Variants in ZNF385B observed in about 807,000 individuals in gnomAD.
ZNF385B encodes zinc finger protein 385B, also known as zinc finger protein 533.
ZNF385B carries 23 observed loss-of-function variants against 39.2 expected under a neutral mutation model. The ratio of observed to expected loss-of-function variants is 0.59; its 90% CI spans 0.42 to 0.83. The LOEUF is 0.83. ZNF385B is among the 40% of genes least tolerant of loss of function. ZNF385B has a pLI of 0.00. For missense variants in ZNF385B, 552 were observed against 598.9 expected, an observed-to-expected ratio of 0.92 and a Z score of 0.82; for synonymous variants, 205 against 222.6, an observed-to-expected ratio of 0.92 and a Z score of 0.70.
chr2:179,849,443 A>C (rs1211285270), intron 1 of ZNF385B, among the ~76,000 whole-genome samples: 1 of 152,188 alleles, frequency 6.6e-6, no homozygotes, highest in Non-Finnish European at 1.5e-5. Context: ...CTATTTGGGG[A>C]GATGAAGGAG....
intron 1 of ZNF385B, among the ~76,000 whole-genome samples, chr2:179,829,808 C>T (rs75626696): frequency 0.014 from 2,105 of 152,280 alleles, 54 homozygotes; most frequent in African/African-American, 0.047. Context: ...CCACCGCGCC[C>T]GGCCTGGATA....
chr2:179,801,061 C>G (rs1271950832), intron 1 of ZNF385B, among the ~76,000 whole-genome samples: 1 of 151,956 alleles, frequency 6.6e-6, no homozygotes, highest in Non-Finnish European at 1.5e-5. Context: ...ATTTGGTATC[C>G]CTTCCTTTCT....
intron 3 of ZNF385B, among the ~76,000 whole-genome samples, chr2:179,574,846 C>T (rs1378172293): frequency 6.6e-6 from 1 of 152,154 alleles, no homozygotes; most frequent in Non-Finnish European, 1.5e-5. Context: ...AAGCTCCTTG[C>T]TTCCCTTGCT....
intron 3 of ZNF385B, among the ~76,000 whole-genome samples, chr2:179,709,764 C>G (rs2106380992): frequency 6.6e-6 from 1 of 152,294 alleles, no homozygotes; most frequent in East Asian, 1.9e-4. Flanking sequence ...GCACAGATCA[C>G]TTGGGGCCAG....
At chr2:179,465,653 A>C (rs1213394526) in intron 6 of ZNF385B, among the ~76,000 whole-genome samples, 1 of 152,142 alleles carries the variant, frequency 6.6e-6, no homozygotes, top group Admixed American at 6.6e-5. Flanking sequence ...GCATTTATTC[A>C]GCATTTACTA....
intron 3 of ZNF385B, among the ~76,000 whole-genome samples, chr2:179,641,160 C>T (rs1030925650): frequency 6.6e-6 from 1 of 151,524 alleles, no homozygotes; most frequent in East Asian, 1.9e-4. Context: ...TGCTGCTTTA[C>T]AGAGATTTGA....
intron 1 of ZNF385B, among the ~76,000 whole-genome samples, chr2:179,860,056 G>A (rs1684916131): frequency 6.6e-6 from 1 of 152,080 alleles, no homozygotes; most frequent in African/African-American, 2.4e-5. Context: ...TTTAGGCTAG[G>A]CCCTATAACA....
rs2058559287 is a variant in ZNF385B, at chr2:179,522,293, A to T, written c.442-3655T>A. On this transcript the variant is annotated intron_variant, in intron 4 of 9. Transcript: ENST00000410066. ...TTCTCAGCATTAGTACAATGCTCTAAAAGCTAGATAAAATAACTATGATGT... is the reference window on the plus strand; with the variant it reads ...TTCTCAGCATTAGTACAATGCTCTATAAGCTAGATAAAATAACTATGATGT... Among the ~76,000 whole-genome samples, 2 of 152,234 alleles carry T rather than the reference A, an allele frequency of 1.3e-5. 1 individual carries two copies. The highest frequency in any genetic ancestry group is 4.1e-4 in the South Asian group (2 of 4,834).
chr2:179,761,262 T>C (rs1703368250), intron 3 of ZNF385B, among the ~76,000 whole-genome samples: 1 of 152,202 alleles, frequency 6.6e-6, no homozygotes, highest in South Asian at 2.1e-4. Context: ...AGCATAATCT[T>C]GTCTATGTCT....
chr2:179,746,531 A>G (rs1702394164), intron 3 of ZNF385B, among the ~76,000 whole-genome samples: 1 of 152,192 alleles, frequency 6.6e-6, no homozygotes, highest in East Asian at 1.9e-4. Flanking sequence ...CACCAGGACA[A>G]AATACCATCA....
chr2:179,613,260 C>A (rs1006957431), intron 3 of ZNF385B, among the ~76,000 whole-genome samples: 1 of 152,156 alleles, frequency 6.6e-6, no homozygotes, highest in Non-Finnish European at 1.5e-5. Flanking sequence ...AGCTCCAAGA[C>A]AAAGTCTCCT....
At chr2:179,838,282 A>G (rs1161921062) in intron 1 of ZNF385B, among the ~76,000 whole-genome samples, 1 of 152,244 alleles carries the variant, frequency 6.6e-6, no homozygotes, top group Non-Finnish European at 1.5e-5. Flanking sequence ...ACATATTCAA[A>G]AGATTACTTG....
In ZNF385B at chr2:179,774,646, C is replaced by G. The variant is rs987652748; in HGVS notation, c.-154-3974G>C. On this transcript the variant is annotated intron_variant, in intron 1 of 9. Coordinates refer to ENST00000410066, the MANE Select transcript of ZNF385B (RefSeq NM_152520.6). Reference sequence around the variant, plus strand: ...TGCTGGGATTACAAGTGTGAGCCACCGCACCCGGCCAAGGTCAATGTTTTC... The same window carrying G: ...TGCTGGGATTACAAGTGTGAGCCACGGCACCCGGCCAAGGTCAATGTTTTC... 2.0e-5 allele frequency among the ~76,000 whole-genome samples: 3 copies of G among 152,024 alleles called. No homozygotes were observed. The East Asian group carries it at 5.8e-4, about 29-fold the overall frequency.
intron 3 of ZNF385B, among the ~76,000 whole-genome samples, chr2:179,644,775 C>A (rs1277345679): frequency 6.6e-6 from 1 of 152,184 alleles, no homozygotes; most frequent in Admixed American, 6.5e-5. Flanking sequence ...GACTCCATCA[C>A]TTGCTGTGTC....
At chr2:179,732,672 T>C (rs1044227443) in intron 3 of ZNF385B, among the ~76,000 whole-genome samples, 6 of 152,182 alleles carry the variant, frequency 3.9e-5, no homozygotes, top group African/African-American at 1.4e-4. Flanking sequence ...TAACTCAGCA[T>C]TAAACTCCTA....
At chr2:179,570,694 C>A (rs549619946) in intron 3 of ZNF385B, among the ~76,000 whole-genome samples, 1 of 152,230 alleles carries the variant, frequency 6.6e-6, no homozygotes, top group East Asian at 1.9e-4. Flanking sequence ...CAACATATTC[C>A]ATTTTTATTG....
rs181247218 is a variant in ZNF385B, at chr2:179,546,794, G to A, written c.299-1825C>T. On this transcript the variant is annotated intron_variant, in intron 3 of 9. Coordinates refer to ENST00000410066, the MANE Select transcript of ZNF385B (RefSeq NM_152520.6). ...GTAGCCCAACTTTTAGTTTTTTGAG[G>A]AATAACCAAACTGTTTTCCTTAGTG... Among the ~76,000 whole-genome samples the A allele has an allele frequency of 3.4e-3, 503 of 149,898 alleles. 49 individuals carry two copies. Among genetic ancestry groups the A allele is most frequent in the African/African-American group, 0.012 (478 of 39,982 alleles).
chr2:179,609,844 T>C (rs1689141861), intron 3 of ZNF385B, among the ~76,000 whole-genome samples: 1 of 152,272 alleles, frequency 6.6e-6, no homozygotes, highest in South Asian at 2.1e-4. Context: ...CCATTTCATA[T>C]ACTTGTGTGC....
intron 6 of ZNF385B, among the ~76,000 whole-genome samples, chr2:179,457,327 TCTA>T (rs904323183): frequency 6.4e-4 from 97 of 152,318 alleles, no homozygotes; most frequent in African/African-American, 2.2e-3. Flanking sequence ...TTTGAATAAT[TCTA>T]CTATGTACAT....
Sources: allele counts gnomAD v4.1 joint callset (sites outside exome capture counted in the v4.1 genomes callset), GRCh38; gene constraint gnomAD v4.1.1; transcripts MANE v1.5; gene names NCBI Gene and HGNC (gene_info 2026-07-23, HGNC 2026-07-21).